Variants in ITGB6 observed in about 807,000 individuals in gnomAD.
ITGB6 encodes integrin beta-6.
A neutral mutation model predicts 84.5 loss-of-function variants in ITGB6; 80 were observed. The observed-to-expected ratio is 0.95, with a 90% CI of 0.79 to 1.14. The LOEUF is 1.14. ITGB6 is among the 50% of genes most tolerant of loss of function. The pLI, the probability that ITGB6 is intolerant of heterozygous loss-of-function variation, is 0.00. For missense variants in ITGB6, 1,006 were observed against 968.0 expected (o/e 1.04, Z -0.52); for synonymous variants, 383 against 354.9 (o/e 1.08, Z -0.89).
intron 2 of ITGB6, among the ~76,000 whole-genome samples, chr2:160,198,249 C>T (rs1488184992): frequency 2.0e-5 from 3 of 152,172 alleles, no homozygotes; most frequent in East Asian, 1.9e-4. Flanking sequence ...TGGTCAAGGC[C>T]GTAGTAAGGG....
chr2:160,147,107 A>C (rs1684227537), intron 7 of ITGB6, among the ~76,000 whole-genome samples: 1 of 151,468 alleles, frequency 6.6e-6, no homozygotes, highest in Admixed American at 6.6e-5. Context: ...AAAAAGAAAG[A>C]AAAGGAAAGG....
intron 4 of ITGB6, among the ~76,000 whole-genome samples, chr2:160,194,810 A>G (rs997223252): frequency 2.6e-5 from 4 of 152,196 alleles, no homozygotes; most frequent in African/African-American, 9.7e-5. Flanking sequence ...AGCATATGAG[A>G]ATGGAGTCAT....
At chr2:160,199,730 C>T (rs930137136) in intron 1 of ITGB6, among the ~76,000 whole-genome samples, 9 of 152,204 alleles carry the variant, frequency 5.9e-5, no homozygotes, top group Admixed American at 1.3e-4. Flanking sequence ...AAATGGTTAT[C>T]ATACTGGCAC....
chr2:160,117,656 A>G (rs1358672042), intron 12 of ITGB6, among the ~76,000 whole-genome samples: 3 of 152,202 alleles, frequency 2.0e-5, no homozygotes, highest in Admixed American at 6.5e-5. Flanking sequence ...GCAAGAAATT[A>G]CTAAAATCAG....
chr2:160,117,973 T>A (rs1682860098), intron 12 of ITGB6, among the ~76,000 whole-genome samples: 1 of 152,128 alleles, frequency 6.6e-6, no homozygotes, highest in Non-Finnish European at 1.5e-5. Context: ...AGGAAGAAGT[T>A]GAATCTCTGA....
chr2:160,156,974 T>C (rs1287299751), intron 7 of ITGB6, among the ~76,000 whole-genome samples: 1 of 152,164 alleles, frequency 6.6e-6, no homozygotes, highest in East Asian at 1.9e-4. Flanking sequence ...CTGGGTGGCT[T>C]GCAACAACAG....
chr2:160,191,220 A>C (rs1686128628), intron 4 of ITGB6, among the ~76,000 whole-genome samples: 1 of 152,164 alleles, frequency 6.6e-6, no homozygotes, highest in Non-Finnish European at 1.5e-5. Context: ...TGAGGGTATA[A>C]GTCTTTATAA....
At chr2:160,168,129 G>A (rs1194533437) in intron 7 of ITGB6, among the ~76,000 whole-genome samples, 1 of 152,212 alleles carries the variant, frequency 6.6e-6, no homozygotes, top group East Asian at 1.9e-4. Flanking sequence ...GAGCTTGATT[G>A]CAAGGAACTT....
intron 12 of ITGB6, among the ~76,000 whole-genome samples, chr2:160,117,454 C>T (rs988139797): frequency 2.7e-4 from 41 of 152,252 alleles, no homozygotes; most frequent in African/African-American, 9.6e-4. Context: ...TAAAGATGTT[C>T]TTTGAAACCA....
intron 4 of ITGB6, among the ~76,000 whole-genome samples, chr2:160,177,947 C>T (rs1226670594): frequency 1.3e-5 from 2 of 152,270 alleles, no homozygotes; most frequent in East Asian, 3.9e-4. Context: ...ATGATCTCGG[C>T]TCACTGCAAC....
intron 4 of ITGB6, among the ~76,000 whole-genome samples, chr2:160,174,493 T>C (rs1486410363): frequency 6.6e-6 from 1 of 152,116 alleles, no homozygotes; most frequent in Non-Finnish European, 1.5e-5. Context: ...GACAATTCCT[T>C]TGTATTCTGA....
Position 160,126,367 on chromosome 2 carries a change from C to A in ITGB6, c.1883+12G>T, listed in dbSNP as rs1445822930. ...TATCCACATAAGGAATGGAGAAAAG[C>A]AGAGACATTACCGTTTAGAGTTACA... On this transcript the variant is annotated intron_variant, in intron 11 of 14. Coordinates refer to ENST00000283249, the MANE Select transcript of ITGB6 (RefSeq NM_000888.5). 6.2e-6 allele frequency: 10 copies of A among 1,611,854 alleles called. No individual in the cohort carries two copies. The highest frequency in any genetic ancestry group is 7.6e-6 in the Non-Finnish European group (9 of 1,177,892).
At chr2:160,152,863 A>G (rs2105841056) in intron 7 of ITGB6, among the ~76,000 whole-genome samples, 1 of 152,362 alleles carries the variant, frequency 6.6e-6, no homozygotes, top group East Asian at 1.9e-4. Flanking sequence ...TACAAAGAGT[A>G]TAAAATACCT....
intron 7 of ITGB6, among the ~76,000 whole-genome samples, chr2:160,167,238 A>G (rs1008375264): frequency 1.3e-5 from 2 of 152,246 alleles, no homozygotes; most frequent in Non-Finnish European, 2.9e-5. Context: ...AGGCAACACA[A>G]GCCATTAGTG....
intron 7 of ITGB6, among the ~76,000 whole-genome samples, chr2:160,142,717 G>A (rs1291188040): frequency 6.6e-6 from 1 of 152,118 alleles, no homozygotes; most frequent in African/African-American, 2.4e-5. Context: ...TACCCACAGT[G>A]TTTTTTCCTG....
chr2:160,137,599 T>C lies in ITGB6; in HGVS notation c.1495A>G (p.Thr499Ala), dbSNP rs562815517. The change falls in exon 10 of 15, where the codon ACA becomes GCA. Residue 499 changes from threonine to alanine, a missense_variant. Physicochemically the swap from Thr to Ala is moderately conservative, Grantham distance 58. Coordinates refer to ENST00000283249, the MANE Select transcript of ITGB6 (RefSeq NM_000888.5). The stretch of plus-strand genomic sequence containing the variant: ...TCTGGGGCCTCCTTGCAGGAATCTG[T>C]GCTCAGCATGTCCTCGCCACACTCA... ...RCECGEDMLS[T>A]DSCKEAPDHP... 1.9e-6 allele frequency: 3 copies of C among 1,614,202 alleles called. No homozygotes were observed. The highest frequency in any genetic ancestry group is 1.3e-5 in the African/African-American group (1 of 75,054).
At chr2:160,112,445 G>A (rs1380812566) in intron 12 of ITGB6, among the ~76,000 whole-genome samples, 5 of 151,974 alleles carry the variant, frequency 3.3e-5, no homozygotes, top group Non-Finnish European at 7.4e-5. Flanking sequence ...AAACGGATAC[G>A]GGCAGGATTG....
chr2:160,121,385 A>G (rs1683032032), intron 12 of ITGB6, among the ~76,000 whole-genome samples: 1 of 152,190 alleles, frequency 6.6e-6, no homozygotes, highest in African/African-American at 2.4e-5. Flanking sequence ...TAAGATTTAC[A>G]TTACCAGGGG....
intron 10 of ITGB6, among the ~76,000 whole-genome samples, chr2:160,134,855 C>T (rs1402256332): frequency 6.6e-5 from 10 of 152,324 alleles, no homozygotes; most frequent in East Asian, 3.9e-4. Context: ...AATTCAACAG[C>T]ACTTCCTGCT....
Sources: allele counts gnomAD v4.1 joint callset (sites outside exome capture counted in the v4.1 genomes callset), GRCh38; gene constraint gnomAD v4.1.1; transcripts MANE v1.5; gene names NCBI Gene and HGNC (gene_info 2026-07-23, HGNC 2026-07-21).